SH3BGRL2: variants seen among roughly 807,000 people sequenced by gnomAD.
The protein encoded by SH3BGRL2 is SH3 domain binding glutamate rich protein like 2.
In SH3BGRL2, 21 loss-of-function variants were observed where a neutral mutation model predicts 14.8. The observed-to-expected ratio is 1.42, with a 90% CI of 1.01 to 2.05. The LOEUF (loss-of-function observed/expected upper bound fraction) is 2.05. Among genes scored for constraint, SH3BGRL2 ranks in the 30% most tolerant of loss-of-function variants. The pLI is 0.00. For synonymous variants in SH3BGRL2, 50 were observed against 47.8 expected, an observed-to-expected ratio of 1.05 and a Z score of -0.19; for missense variants, 147 against 130.8, an observed-to-expected ratio of 1.12 and a Z score of -0.61.
chr6:79,571,371 T>A, the SH3BGRL2 span, among the ~76,000 whole-genome samples: 2 of 152,236 alleles, frequency 1.3e-5, no homozygotes, highest in Non-Finnish European at 2.9e-5. Context: ...TATTAGATTA[T>A]AAACACAGAA....
At chr6:79,648,144 A>T (rs1378270293) in intron 1 of SH3BGRL2, among the ~76,000 whole-genome samples, 2 of 150,172 alleles carry the variant, frequency 1.3e-5, no homozygotes, top group African/African-American at 4.9e-5. Context: ...GAAAAACTTC[A>T]CTGACCTTTC....
chr6:79,586,057 G>C, the SH3BGRL2 span, among the ~76,000 whole-genome samples: 52 of 151,952 alleles, frequency 3.4e-4, no homozygotes, highest in African/African-American at 1.2e-3. Flanking sequence ...TTAGCCAGGC[G>C]TGGTGGCGCA....
intron 2 of SH3BGRL2, among the ~76,000 whole-genome samples, chr6:79,675,342 T>G (rs1248457090): frequency 6.6e-6 from 1 of 152,174 alleles, no homozygotes; most frequent in Non-Finnish European, 1.5e-5. Flanking sequence ...TCTAATGCCA[T>G]TTTCCTTGAT....
At chr6:79,639,539 G>A (rs928186227) in intron 1 of SH3BGRL2, among the ~76,000 whole-genome samples, 3 of 152,198 alleles carry the variant, frequency 2.0e-5, no homozygotes, top group East Asian at 3.9e-4. Flanking sequence ...GCAGTGAGCC[G>A]AGATTGCACT....
the SH3BGRL2 span, among the ~76,000 whole-genome samples, chr6:79,587,767 A>G: frequency 1.3e-5 from 2 of 152,232 alleles, no homozygotes; most frequent in Non-Finnish European, 2.9e-5. Context: ...TTTTATGTAT[A>G]TATAGAGGCC....
the SH3BGRL2 span, among the ~76,000 whole-genome samples, chr6:79,593,792 CA>C: frequency 6.6e-6 from 1 of 152,070 alleles, no homozygotes; most frequent in African/African-American, 2.4e-5. Flanking sequence ...AATCCTTCAA[CA>C]AAAATCTCAA....
chr6:79,698,079 C>T (rs1770369268), intron 3 of SH3BGRL2, among the ~76,000 whole-genome samples: 1 of 152,132 alleles, frequency 6.6e-6, no homozygotes, highest in Non-Finnish European at 1.5e-5. Context: ...AACTTGATTT[C>T]AGGGGACCAT....
chr6:79,571,873 C>T, the SH3BGRL2 span, among the ~76,000 whole-genome samples: 5 of 152,132 alleles, frequency 3.3e-5, no homozygotes, highest in Admixed American at 3.3e-4. Context: ...GAGGTTTACC[C>T]ATAATGATCT....
the SH3BGRL2 span, among the ~76,000 whole-genome samples, chr6:79,568,706 C>A: frequency 8.5e-5 from 13 of 152,162 alleles, 1 homozygote; most frequent in South Asian, 2.7e-3. Context: ...TAAGAGTCTT[C>A]ATTCTTTTCT....
chr6:79,601,019 T>G, the SH3BGRL2 span, among the ~76,000 whole-genome samples: 3 of 151,142 alleles, frequency 2.0e-5, no homozygotes, highest in South Asian at 6.3e-4. Context: ...CCATCAACTC[T>G]AAACAAATCT....
the SH3BGRL2 span, among the ~76,000 whole-genome samples, chr6:79,558,698 C>T: frequency 0.16 from 23,939 of 146,136 alleles, 2,101 homozygotes; most frequent in East Asian, 0.28. Context: ...AACCCCATCT[C>T]TATAAAAAAA....
the SH3BGRL2 span, among the ~76,000 whole-genome samples, chr6:79,599,272 A>G: frequency 1.3e-5 from 2 of 152,104 alleles, no homozygotes; most frequent in African/African-American, 2.4e-5. Context: ...GATCGCCACT[A>G]TGGAAAATAC....
In SH3BGRL2 at chr6:79,702,070, A is replaced by G. The variant is rs558566231; in HGVS notation, c.*2561A>G. On this transcript the variant is annotated 3_prime_UTR_variant, in exon 4 of 4. Coordinates refer to ENST00000369838, the MANE Select transcript of SH3BGRL2 (RefSeq NM_031469.4). ...CCATCCTGCTAGGTGAGTACAGACC[A>G]GAAGAAAATTTAGTTGGGAAAATAC... is the stretch of plus-strand genomic sequence containing the variant. The G allele has an allele frequency of 5.2e-5, 8 of 152,774 alleles. No homozygotes were observed. The East Asian group carries it at 1.5e-3, about 29-fold the overall frequency. 9.5% of individuals were successfully genotyped at this position (152,774 alleles called of 1,614,324 possible). A position where few individuals can be genotyped will look rare whatever the true frequency, so the allele number is the denominator to read the frequency against.
chr6:79,555,061 A>G, the SH3BGRL2 span, among the ~76,000 whole-genome samples: 1 of 152,308 alleles, frequency 6.6e-6, no homozygotes, highest in South Asian at 2.1e-4. Flanking sequence ...CCATATCCCT[A>G]GAAAGGAAAA....
intron 1 of SH3BGRL2, among the ~76,000 whole-genome samples, chr6:79,650,508 A>G (rs757991832): frequency 6.6e-6 from 1 of 152,214 alleles, no homozygotes; most frequent in Non-Finnish European, 1.5e-5. Context: ...TACAAGAAAC[A>G]TGGCACCAGC....
intron 2 of SH3BGRL2, among the ~76,000 whole-genome samples, chr6:79,695,514 T>A (rs1770313259): frequency 6.6e-6 from 1 of 152,212 alleles, no homozygotes; most frequent in South Asian, 2.1e-4. Context: ...TGCCCCATAC[T>A]TGGTTTCCTT....
chr6:79,671,988 T>C (rs1382386424), intron 1 of SH3BGRL2, among the ~76,000 whole-genome samples: 2 of 152,246 alleles, frequency 1.3e-5, no homozygotes, highest in Non-Finnish European at 2.9e-5. Context: ...TTCTAAGGTT[T>C]TACCTGTTTT....
chr6:79,620,014 G>A, the SH3BGRL2 span, among the ~76,000 whole-genome samples: 2 of 152,284 alleles, frequency 1.3e-5, no homozygotes, highest in Middle Eastern at 3.4e-3. Context: ...AGCTTTAAAT[G>A]TGTGTATGTG....
At chr6:79,645,670 CAAG>C (rs1046896087) in intron 1 of SH3BGRL2, among the ~76,000 whole-genome samples, 3 of 152,114 alleles carry the variant, frequency 2.0e-5, no homozygotes, top group African/African-American at 7.2e-5. Flanking sequence ...ATATATGTTT[CAAG>C]AAGAATGGGA....
Sources: allele counts gnomAD v4.1 joint callset (sites outside exome capture counted in the v4.1 genomes callset), GRCh38; gene constraint gnomAD v4.1.1; transcripts MANE v1.5; gene names NCBI Gene and HGNC (gene_info 2026-07-23, HGNC 2026-07-21).